The following NOLC1 variants were observed in gnomAD, a reference collection of about 807,000 sequenced individuals.
NOLC1 encodes 140 kDa nucleolar phosphoprotein.
NOLC1 carries 37 observed loss-of-function variants against 73.4 expected under a neutral mutation model. The observed-to-expected ratio is 0.50, with a 90% CI of 0.39 to 0.66. The LOEUF is 0.66. Among genes scored for constraint, NOLC1 ranks in the 30% least tolerant of loss-of-function variants. The pLI, the probability that NOLC1 is intolerant of heterozygous loss-of-function variation, is 0.00. For synonymous variants in NOLC1, 327 were observed against 302.6 expected, an observed-to-expected ratio of 1.08 and a Z score of -0.84; for missense variants, 921 against 838.9, an observed-to-expected ratio of 1.10 and a Z score of -1.21.
intron 4 of NOLC1, among the ~76,000 whole-genome samples, 175 bp downstream of exon 4, chr10:102,157,730 G>C (rs1185997595): frequency 6.6e-6 from 1 of 152,172 alleles, no homozygotes; most frequent in Non-Finnish European, 1.5e-5. Context: ...GAAGGGATGT[G>C]TGAGGTTGAG....
At chr10:102,160,414 A>C in intron 9 of NOLC1, 38 bp from the exon 10 acceptor site, 1 of 1,612,310 alleles carries the variant, frequency 6.2e-7, no homozygotes, top group Non-Finnish European at 8.5e-7. Flanking sequence ...CCTGAATCCA[A>C]TTTGGGGAGC....
intron 9 of NOLC1, 36 bp downstream of exon 9, chr10:102,160,379 C>G (rs762955283): frequency 1.9e-6 from 3 of 1,612,608 alleles, no homozygotes; most frequent in East Asian, 2.2e-5. Context: ...CAGTGAGATG[C>G]TCTCAGGCAG....
intron 1 of NOLC1, among the ~76,000 whole-genome samples, 177 bp downstream of exon 1, chr10:102,152,707 T>C (rs1352985654): frequency 6.6e-6 from 1 of 152,236 alleles, no homozygotes; most frequent in African/African-American, 2.4e-5. Context: ...GTCGCTTACC[T>C]TCCTCCATGT....
intron 1 of NOLC1, among the ~76,000 whole-genome samples, chr10:102,154,120 G>A (rs2133750797): frequency 6.7e-6 from 1 of 148,294 alleles, no homozygotes; most frequent in East Asian, 2.0e-4. Context: ...CGCCCAGGCT[G>A]GAGTGCAGTG....
chr10:102,155,192 AT>A (rs897984016), intron 1 of NOLC1, among the ~76,000 whole-genome samples: 1 of 150,510 alleles, frequency 6.6e-6, no homozygotes, highest in African/African-American at 2.4e-5. Context: ...CGCCCAGCTA[AT>A]TTTGTATTTT....
chr10:102,161,933 A>G lies in NOLC1; in HGVS notation c.1941+8A>G. ...AACTCCTTTGATGCCAAGGTGAGAG[A>G]GAGATCTGTGCCATTCTTGGGAGGG... On this transcript the variant is annotated splice_region_variant and intron_variant, in intron 12 of 12. Coordinates refer to ENST00000605788, the MANE Select transcript of NOLC1 (RefSeq NM_004741.5). 6.2e-7 allele frequency: 1 copy of G among 1,613,424 alleles called. No individual in the cohort carries two copies. The highest frequency in any genetic ancestry group is 8.5e-7 in the Non-Finnish European group (1 of 1,179,412).
chr10:102,159,229 C>T lies in NOLC1; in HGVS notation c.644C>T (p.Ala215Val), dbSNP rs1564969920. ...CCTAAAATAGCCAATGGTAAAGCAG[C>T]CAGTAGCAGCAGTAGCAGCAGCAGC... ...AAPKIANGKAASSSSSSSSSS... is the reference protein window; with the variant it reads ...AAPKIANGKAVSSSSSSSSSS... The change falls in exon 6 of 13, where the codon GCC becomes GTC. Residue 215 changes from alanine to valine, a missense_variant. By Grantham distance (64) the Ala-to-Val change is moderately conservative (BLOSUM62 0). Coordinates refer to ENST00000605788, the MANE Select transcript of NOLC1 (RefSeq NM_004741.5). 1.2e-6 allele frequency: 2 copies of T among 1,613,992 alleles called. No homozygotes were observed. The highest frequency in any genetic ancestry group is 3.3e-5 in the Admixed American group (2 of 59,990).
At chr10:102,156,990 T>C in intron 1 of NOLC1, 29 bp from the exon 2 acceptor site, 2 of 1,609,218 alleles carry the variant, frequency 1.2e-6, no homozygotes, top group Non-Finnish European at 1.7e-6. Context: ...ATAAAATAAT[T>C]TCCTTACCCA....
rs1266858247 is a variant in NOLC1, at chr10:102,159,525, T to C, written c.816T>C (p.Ser272=). 1 of 1,613,866 alleles carries C rather than the reference T, an allele frequency of 6.2e-7. No homozygotes were observed. Among genetic ancestry groups the C allele is most frequent in the East Asian group, 2.2e-5 (1 of 44,870 alleles). ...GTTCTAGCAGTGAGGATTCCTCCAGTGACGAGGAAGAGGAGCAAAAAAAAC... is the reference window on the plus strand; with the variant it reads ...GTTCTAGCAGTGAGGATTCCTCCAGCGACGAGGAAGAGGAGCAAAAAAAAC... ...RKSSSSEDSS[S]DEEEEQKKPM... Residue 272 remains serine (S), a synonymous_variant, in exon 7 of 13, where the codon AGT becomes AGC. Transcript: ENST00000605788.
intron 10 of NOLC1, 36 bp downstream of exon 10, chr10:102,161,129 C>G (rs201249259): frequency 1.9e-6 from 3 of 1,553,508 alleles, no homozygotes; most frequent in East Asian, 2.2e-5. Flanking sequence ...TGGGTTTTGT[C>G]CCCCCAAATC....
intron 1 of NOLC1, among the ~76,000 whole-genome samples, chr10:102,153,672 CTTTTTTTTTTTTTT>C (rs56074108): frequency 1.4e-4 from 12 of 88,172 alleles, no homozygotes; most frequent in African/African-American, 4.7e-4. Context: ...AATTAGGATT[CTTTTTTTTTTTTTT>C]TTTTTTTTGA....
chr10:102,162,192 A>AC lies in NOLC1; in HGVS notation c.2025dup (p.Lys676GlnfsTer20). On this transcript the variant is annotated frameshift_variant, in exon 13 of 13. Transcript: ENST00000605788. LOFTEE classifies it high-confidence loss of function. Reference sequence around the variant, plus strand: ...AGGCAAGTCCTTTCGGCATGAGAAAACCAAGAAGAAGCGGGGCAGCTACCG... The same window carrying AC: ...AGGCAAGTCCTTTCGGCATGAGAAAACCCAAGAAGAAGCGGGGCAGCTACCG... The AC allele has an allele frequency of 6.2e-7, 1 of 1,614,020 alleles. No individual in the cohort carries two copies. Among genetic ancestry groups the AC allele is most frequent in the Non-Finnish European group, 8.5e-7 (1 of 1,179,998 alleles).
At chr10:102,156,429 ATT>A (rs549384519) in intron 1 of NOLC1, among the ~76,000 whole-genome samples, 86 of 140,856 alleles carry the variant, frequency 6.1e-4, no homozygotes, top group Non-Finnish European at 1.3e-4. Flanking sequence ...GTCAAAAGTG[ATT>A]TTTTTTTTTT....
In NOLC1 at chr10:102,158,095, A is replaced by C. The variant is rs563496912; in HGVS notation, c.488A>C (p.Lys163Thr). Reference protein sequence around the residue: ...QAKAAKAPPKKAKSSDSDSDS... With the variant: ...QAKAAKAPPKTAKSSDSDSDS... ...AAGGCAGCCAAAGCTCCTCCTAAGAAGGCCAAGAGCTCTGATTCTGATTCT... is the reference window on the plus strand; with the variant it reads ...AAGGCAGCCAAAGCTCCTCCTAAGACGGCCAAGAGCTCTGATTCTGATTCT... The change falls in exon 5 of 13, where the codon AAG (lysine) becomes ACG (threonine). Residue 163 changes from lysine to threonine, a missense_variant. By Grantham distance (78) the Lys-to-Thr change is moderately conservative (BLOSUM62 -1). Coordinates refer to ENST00000605788, the MANE Select transcript of NOLC1 (RefSeq NM_004741.5). The C allele has an allele frequency of 6.2e-7, 1 of 1,614,128 alleles. No homozygotes were observed. The highest frequency in any genetic ancestry group is 1.7e-5 in the Admixed American group (1 of 60,016).
At position 102,162,412 on chromosome 10, in the gene NOLC1, C is replaced by T. The variant is rs1215252125; in HGVS notation, c.*143C>T. The T allele has an allele frequency of 2.6e-6, 2 of 767,466 alleles. No individual in the cohort carries two copies. The highest frequency in any genetic ancestry group is 4.1e-6 in the Non-Finnish European group (2 of 489,524). The allele number at this position is 767,466 out of a possible 1,614,324, so 47.5% of individuals were successfully genotyped here. ...TAGGTCCTAAGACTTTACAGTGTAA[C>T]ATCCTCTCTGGTCCTTTTCTGTGTT... On this transcript the variant is annotated 3_prime_UTR_variant, in exon 13 of 13. Coordinates refer to ENST00000605788, the MANE Select transcript of NOLC1 (RefSeq NM_004741.5).
intron 1 of NOLC1, among the ~76,000 whole-genome samples, chr10:102,155,709 C>T (rs1590374816): frequency 1.3e-5 from 2 of 151,536 alleles, no homozygotes; most frequent in South Asian, 4.2e-4. Flanking sequence ...GGGGTTTCAC[C>T]ATGTTGGCCA....
Position 102,162,132 on chromosome 10 carries a change from G to C in NOLC1, c.1963G>C (p.Gly655Arg). 1 of 1,613,978 alleles carries C rather than the reference G, an allele frequency of 6.2e-7. No homozygotes were observed. The highest frequency in any genetic ancestry group is 2.2e-5 in the East Asian group (1 of 44,886). ...DAKRGAAGDW[G>R]ERANQVLKFT... ...CCAGCGAGGTGCAGCCGGAGACTGG[G>C]GAGAGCGAGCCAATCAGGTTTTGAA... Residue 655 changes from glycine to arginine, a missense_variant, in exon 13 of 13, where the codon GGA becomes CGA. By Grantham distance (125) the Gly-to-Arg change is moderately radical. Transcript: ENST00000605788.
In NOLC1 at chr10:102,160,038, A is replaced by T. The variant is rs1377465206; in HGVS notation, c.988+14A>T. ...GTGATGAGTCTGGTGAGTCAGAGGG[A>T]TGCAGCCTCCCCTCAGCGTGGGTCT... On this transcript the variant is annotated intron_variant, in intron 8 of 12. Transcript: ENST00000605788. The T allele has an allele frequency of 1.2e-6, 2 of 1,610,826 alleles. No individual in the cohort carries two copies. Among genetic ancestry groups the T allele is most frequent in the Admixed American group, 3.4e-5 (2 of 59,428 alleles).
At position 102,159,251 on chromosome 10, in the gene NOLC1, CAGCAGCAGT is replaced by C. The variant is rs2069656248; in HGVS notation, c.672_680del (p.Ser225_Ser227del). On this transcript the variant is annotated inframe_deletion, in exon 6 of 13. Coordinates refer to ENST00000605788, the MANE Select transcript of NOLC1 (RefSeq NM_004741.5). ...CAGCCAGTAGCAGCAGTAGCAGCAG[CAGCAGCAGT>C]AGCAGTGATGACTCAGAGGAGGAGA... 5 of 1,613,770 alleles carry C rather than the reference CAGCAGCAGT, an allele frequency of 3.1e-6. No homozygotes were observed. Among genetic ancestry groups the C allele is most frequent in the East Asian group, 2.2e-5 (1 of 44,872 alleles).
Sources: allele counts gnomAD v4.1 joint callset (sites outside exome capture counted in the v4.1 genomes callset), GRCh38; gene constraint gnomAD v4.1.1; transcripts MANE v1.5; gene names NCBI Gene and HGNC (gene_info 2026-07-23, HGNC 2026-07-21).